NUP155: variants seen among roughly 807,000 people sequenced by gnomAD.
NUP155 encodes the protein nucleoporin 155.
A neutral mutation model predicts 180.4 loss-of-function variants in NUP155; 71 were observed. That is an observed-to-expected ratio of 0.39 (90% CI 0.33 to 0.48). NUP155 has a LOEUF of 0.48. Among genes scored for constraint, NUP155 ranks in the 20% least tolerant of loss-of-function variants. The pLI is 0.91. For synonymous variants in NUP155, 582 were observed against 559.5 expected (o/e 1.04, Z -0.57); for missense variants, 1,553 against 1,648.9 (o/e 0.94, Z 1.01).
Position 37,296,244 on chromosome 5 carries a change from G to T in NUP155, c.3794-1779C>A, listed in dbSNP as rs568365995. On this transcript the variant is annotated intron_variant, in intron 32 of 34. Transcript: ENST00000231498. ...TTTTGTGGAATAGAAAGGGGGGAAA[G>T]GTGGGGAAAAGATTGAGAAATCGGA... Among the ~76,000 whole-genome samples the T allele has an allele frequency of 1.4e-4, 22 of 152,340 alleles. No homozygotes were observed. The East Asian group carries it at 2.9e-3, about 20-fold the overall frequency.
chr5:37,355,532 AAT>A (rs1491115380), intron 4 of NUP155, among the ~76,000 whole-genome samples: 1 of 145,018 alleles, frequency 6.9e-6, no homozygotes, highest in Non-Finnish European at 1.5e-5. Context: ...ACGGTTAAAG[AAT>A]GTGTGTGTGT....
At chr5:37,355,591 T>G (rs1746772314) in intron 4 of NUP155, among the ~76,000 whole-genome samples, 1 of 97,440 alleles carries the variant, frequency 1.0e-5, no homozygotes. Flanking sequence ...GTTTGTTTGT[T>G]TTTCAGAGGC....
At chr5:37,297,572 G>C (rs1182478782) in intron 32 of NUP155, among the ~76,000 whole-genome samples, 1 of 150,158 alleles carries the variant, frequency 6.7e-6, no homozygotes, top group African/African-American at 2.5e-5. Flanking sequence ...TAGAGACAGG[G>C]TTTTGCCATG....
intron 1 of NUP155, among the ~76,000 whole-genome samples, chr5:37,370,343 G>C (rs1051128332): frequency 5.3e-5 from 8 of 152,256 alleles, no homozygotes; most frequent in Non-Finnish European, 8.8e-5. Context: ...TTGCACTTCA[G>C]CCTGGGCGAA....
rs770670988 is a variant in NUP155 at position 37,364,319 on chromosome 5, C to CG, written c.222dup (p.Val75ArgfsTer18). The CG allele has an allele frequency of 6.2e-7, 1 of 1,610,174 alleles. No homozygotes were observed. ...GAACTGATCTCTGGAAGGTTGGGTACGGACAGCAAACCAGGTCCTTGCAAA... is the reference window on the plus strand; with the variant it reads ...GAACTGATCTCTGGAAGGTTGGGTACGGGACAGCAAACCAGGTCCTTGCAAA... On this transcript the variant is annotated frameshift_variant, in exon 2 of 35. Transcript: ENST00000231498. LOFTEE classifies it high-confidence loss of function.
At chr5:37,301,335 G>A (rs1742851164) in intron 30 of NUP155, 102 bp downstream of exon 30, 2 of 720,394 alleles carry the variant, frequency 2.8e-6, no homozygotes, top group South Asian at 1.5e-5. Flanking sequence ...CTTATTTGTG[G>A]AGATAAGGTA....
chr5:37,289,926 A>C lies in NUP155; in HGVS notation c.*1974T>G, dbSNP rs1742162730. Reference sequence around the variant, plus strand: ...ACATATTCAAAAAACGCTAAACTTAAGAAACTGAAAAGTTGAAAAATAAGA... The same window carrying C: ...ACATATTCAAAAAACGCTAAACTTACGAAACTGAAAAGTTGAAAAATAAGA... On this transcript the variant is annotated 3_prime_UTR_variant, in exon 35 of 35. Coordinates refer to ENST00000231498, the MANE Select transcript of NUP155 (RefSeq NM_153485.3). 1 of 152,208 alleles carries C rather than the reference A, an allele frequency of 6.6e-6. No individual in the cohort carries two copies. Among genetic ancestry groups the C allele is most frequent in the Admixed American group, 6.5e-5 (1 of 15,278 alleles). The allele number at this position is 152,208 out of a possible 1,614,324, so 9.4% of individuals were successfully genotyped here. A position where few individuals can be genotyped will look rare whatever the true frequency, so the allele number is the denominator to read the frequency against.
rs181027615 is a variant in NUP155 at position 37,359,331 on chromosome 5, C to T, written c.393-1180G>A. ...ATACAAAAATAGAAAATGCTGCTCC[C>T]CATTCCAAACATCTCCACAACAGGG... On this transcript the variant is annotated intron_variant, in intron 3 of 34. Coordinates refer to ENST00000231498, the MANE Select transcript of NUP155 (RefSeq NM_153485.3). 6.9e-3 allele frequency among the ~76,000 whole-genome samples: 1,053 copies of T among 152,022 alleles called. 10 individuals carry two copies. Among genetic ancestry groups the T allele is most frequent in the African/African-American group, 0.024 (989 of 41,484 alleles).
intron 1 of NUP155, among the ~76,000 whole-genome samples, chr5:37,367,872 C>T (rs1215620118): frequency 6.6e-6 from 1 of 152,156 alleles, no homozygotes; most frequent in African/African-American, 2.4e-5. Flanking sequence ...CAACTTCCGC[C>T]TCCCTGGTTC....
chr5:37,318,184 A>T, intron 20 of NUP155, 99 bp from the exon 21 acceptor site: 3 of 842,638 alleles, frequency 3.6e-6, no homozygotes, highest in Non-Finnish European at 6.0e-6. Context: ...ACTTTTTTTA[A>T]ATAATTCAGA....
At chr5:37,300,016 T>TC (rs1469497507) in intron 30 of NUP155, among the ~76,000 whole-genome samples, 2 of 126,326 alleles carry the variant, frequency 1.6e-5, no homozygotes, top group African/African-American at 3.1e-5. Context: ...AGACTCTGTC[T>TC]CCCCCCGCCA....
chr5:37,317,398 G>A (rs1352735122), intron 21 of NUP155, among the ~76,000 whole-genome samples: 1 of 151,520 alleles, frequency 6.6e-6, no homozygotes, highest in African/African-American at 2.4e-5. Flanking sequence ...TGAGGCAGAA[G>A]AATTTCTTGA....
At chr5:37,320,409 G>A (rs971895051) in intron 20 of NUP155, among the ~76,000 whole-genome samples, 6 of 152,066 alleles carry the variant, frequency 3.9e-5, no homozygotes, top group East Asian at 1.9e-4. Context: ...CCCGGGAGGC[G>A]GAGGTTGCGG....
intron 3 of NUP155, 140 bp downstream of exon 3, chr5:37,363,748 A>G (rs1747367128): frequency 1.5e-6 from 1 of 677,658 alleles, no homozygotes; most frequent in Non-Finnish European, 2.7e-6. Flanking sequence ...ACATCTCCAG[A>G]TGACTGATAC....
At chr5:37,334,581 A>T (rs963825441) in intron 12 of NUP155, among the ~76,000 whole-genome samples, 1 of 152,040 alleles carries the variant, frequency 6.6e-6, no homozygotes, top group East Asian at 1.9e-4. Context: ...GGCTTTTGCC[A>T]TGTTGGCCAG....
At chr5:37,354,612 C>T (rs1746691824) in intron 4 of NUP155, among the ~76,000 whole-genome samples, 1 of 151,446 alleles carries the variant, frequency 6.6e-6, no homozygotes, top group Admixed American at 6.6e-5. Flanking sequence ...GCATGCACCA[C>T]CATGCCTGGC....
chr5:37,301,682 G>T, intron 29 of NUP155, 132 bp from the exon 30 acceptor site: 1 of 687,998 alleles, frequency 1.5e-6, no homozygotes. Flanking sequence ...ATCATAATAG[G>T]CTAATATTAT....
intron 30 of NUP155, 79 bp from the exon 31 acceptor site, chr5:37,299,647 T>A: frequency 7.1e-7 from 1 of 1,404,366 alleles, no homozygotes; most frequent in African/African-American, 1.4e-5. Context: ...TCCTTGAAAA[T>A]TAAAAAATAA....
At chr5:37,352,642 G>A in intron 5 of NUP155, 95 bp downstream of exon 5, 1 of 784,858 alleles carries the variant, frequency 1.3e-6, no homozygotes, top group Non-Finnish European at 2.2e-6. Flanking sequence ...TGAGTCAATG[G>A]AATTCAACAT....
Sources: allele counts gnomAD v4.1 joint callset (sites outside exome capture counted in the v4.1 genomes callset), GRCh38; gene constraint gnomAD v4.1.1; transcripts MANE v1.5; gene names NCBI Gene and HGNC (gene_info 2026-07-23, HGNC 2026-07-21).